Variants in ETHE1 observed in about 807,000 individuals in gnomAD.
The protein encoded by ETHE1 is persulfide dioxygenase ETHE1, mitochondrial.
A neutral mutation model predicts 25.7 loss-of-function variants in ETHE1; 16 were observed. The observed-to-expected ratio is 0.62, with a 90% CI of 0.42 to 0.95. The LOEUF (loss-of-function observed/expected upper bound fraction) is 0.95, where lower values mean the gene tolerates loss of function less well. Among genes scored for constraint, ETHE1 ranks in the 40% least tolerant of loss-of-function variants. The pLI, the probability that ETHE1 is intolerant of heterozygous loss-of-function variation, is 0.00. For synonymous variants in ETHE1, 139 were observed against 135.9 expected (o/e 1.02, Z -0.16); for missense variants, 300 against 333.6 (o/e 0.90, Z 0.79).
At chr19:43,522,246 A>T (rs1568499862) in intron 3 of ETHE1, among the ~76,000 whole-genome samples, 1 of 152,014 alleles carries the variant, frequency 6.6e-6, no homozygotes, top group Non-Finnish European at 1.5e-5. Flanking sequence ...ACACAGCAAG[A>T]CTCAGTCTCT....
chr19:43,511,897 G>T (rs1391461126), intron 3 of ETHE1, among the ~76,000 whole-genome samples: 3 of 152,090 alleles, frequency 2.0e-5, no homozygotes, highest in Non-Finnish European at 4.4e-5. Context: ...TATGTCATGG[G>T]AGGGACCAGG....
chr19:43,515,934 G>T (rs1686126026), intron 3 of ETHE1, among the ~76,000 whole-genome samples: 1 of 152,132 alleles, frequency 6.6e-6, no homozygotes. Context: ...TAACGAATGG[G>T]TAACATACTC....
At chr19:43,526,791 T>C (rs1972259981) in intron 1 of ETHE1, 132 bp from the exon 2 acceptor site, 1 of 1,530,416 alleles carries the variant, frequency 6.5e-7, no homozygotes, top group Admixed American at 1.9e-5. Context: ...TCCCCGGGAG[T>C]CGGGAGTCCG....
intron 6 of ETHE1, 103 bp from the exon 7 acceptor site, chr19:43,507,005 G>C: frequency 7.9e-7 from 1 of 1,272,172 alleles, no homozygotes; most frequent in Non-Finnish European, 1.1e-6. Context: ...CAGGAAACTA[G>C]AGTTTTGGTC....
intron 3 of ETHE1, among the ~76,000 whole-genome samples, chr19:43,512,436 TA>T (rs1971935454): frequency 6.6e-6 from 1 of 152,110 alleles, no homozygotes; most frequent in African/African-American, 2.4e-5. Context: ...GGAACTGGGG[TA>T]AAGGTCACTT....
chr19:43,526,084 C>T, intron 3 of ETHE1, 117 bp downstream of exon 3: 1 of 1,511,888 alleles, frequency 6.6e-7, no homozygotes. Flanking sequence ...GTCAGAAACC[C>T]AGGTCCTGAG....
rs1290321405 is a variant in ETHE1 at position 43,513,748 on chromosome 19, ATCTCAC to A, written c.376-2188_376-2183del. 6.0e-5 allele frequency among the ~76,000 whole-genome samples: 9 copies of A among 150,488 alleles called. No individual in the cohort carries two copies. In the East Asian group the frequency reaches 1.8e-3, roughly 29 times the overall value. ...ATTTTTTTTTTTTTTTGGAGACAGA[ATCTCAC>A]TCTGTCACCCAGGCTGGGATGGAGT... On this transcript the variant is annotated intron_variant, in intron 3 of 6. Transcript: ENST00000292147.
intron 3 of ETHE1, among the ~76,000 whole-genome samples, chr19:43,521,865 G>A (rs1013562107): frequency 6.6e-6 from 1 of 152,102 alleles, no homozygotes; most frequent in Admixed American, 6.6e-5. Flanking sequence ...ATTAGCAGAA[G>A]AATCTTCATA....
At chr19:43,525,134 AAAAG>A (rs1238788313) in intron 3 of ETHE1, among the ~76,000 whole-genome samples, 178 of 150,552 alleles carry the variant, frequency 1.2e-3, no homozygotes, top group African/African-American at 3.6e-3. Flanking sequence ...ATAAAAAAAA[AAAAG>A]AAAGAAAGAA....
chr19:43,515,957 G>C (rs1414818065), intron 3 of ETHE1, among the ~76,000 whole-genome samples: 1 of 152,144 alleles, frequency 6.6e-6, no homozygotes, highest in Non-Finnish European at 1.5e-5. Flanking sequence ...ATACAGCACA[G>C]ATACACTGGA....
intron 3 of ETHE1, among the ~76,000 whole-genome samples, chr19:43,514,233 C>T (rs1238911931): frequency 8.6e-5 from 13 of 152,038 alleles, no homozygotes; most frequent in Admixed American, 5.9e-4. Flanking sequence ...GGGAGGGAGC[C>T]GGTGGGAGGT....
At chr19:43,522,930 T>A (rs1972164406) in intron 3 of ETHE1, among the ~76,000 whole-genome samples, 1 of 152,194 alleles carries the variant, frequency 6.6e-6, no homozygotes, top group Non-Finnish European at 1.5e-5. Context: ...ATATTTACTA[T>A]CTGGTCCTTC....
rs578014069 is a variant in ETHE1 at position 43,518,019 on chromosome 19, A to G, written c.376-6453T>C. 5.7e-4 allele frequency among the ~76,000 whole-genome samples: 87 copies of G among 151,944 alleles called. 1 individual carries two copies. In the East Asian group the frequency reaches 0.017, roughly 29 times the overall value. On this transcript the variant is annotated intron_variant, in intron 3 of 6. Transcript: ENST00000292147. ...TGACAGAGCGAGACTGTCTCAAAAA[A>G]AAAAGTCAATATCCTGGGGCAAAAG...
chr19:43,519,888 C>A (rs927663022), intron 3 of ETHE1, among the ~76,000 whole-genome samples: 8 of 151,984 alleles, frequency 5.3e-5, no homozygotes, highest in Non-Finnish European at 1.2e-4. Context: ...AAATTAGGCA[C>A]ATTAATAAAT....
intron 3 of ETHE1, among the ~76,000 whole-genome samples, chr19:43,524,224 AAAAC>A (rs1972194438): frequency 6.6e-6 from 1 of 151,770 alleles, no homozygotes; most frequent in Admixed American, 6.6e-5. Context: ...ATAAATAAAT[AAAAC>A]AAAAAAATTT....
intron 3 of ETHE1, among the ~76,000 whole-genome samples, chr19:43,513,272 CT>C (rs1267445005): frequency 1.1e-4 from 16 of 152,214 alleles, no homozygotes; most frequent in African/African-American, 3.4e-4. Context: ...GGCACTGCCC[CT>C]AGTGGAGCTG....
intron 6 of ETHE1, among the ~76,000 whole-genome samples, chr19:43,507,338 AG>A (rs1971799191): frequency 1.1e-5 from 1 of 91,512 alleles, no homozygotes; most frequent in African/African-American, 4.3e-5. Context: ...CCTCAGACCC[AG>A]GAGCCCAGGT....
chr19:43,519,889 A>G (rs1265238970), intron 3 of ETHE1, among the ~76,000 whole-genome samples: 1 of 152,142 alleles, frequency 6.6e-6, no homozygotes. Context: ...AATTAGGCAC[A>G]TTAATAAATC....
chr19:43,513,432 G>A (rs962065498), intron 3 of ETHE1, among the ~76,000 whole-genome samples: 2 of 152,166 alleles, frequency 1.3e-5, no homozygotes, highest in Admixed American at 6.5e-5. Flanking sequence ...GAGGGGCAGA[G>A]CTGCCCAAGA....
Sources: gnomAD v4.1 joint callset for allele counts (sites outside exome capture counted in the v4.1 genomes callset) on GRCh38, gnomAD v4.1.1 for gene constraint, MANE v1.5 for transcripts, NCBI Gene and HGNC (gene_info 2026-07-23, HGNC 2026-07-21) for gene names.